The following GRIK2 variants were observed in gnomAD, a reference collection of about 807,000 sequenced individuals.
GRIK2 encodes the protein glutamate ionotropic receptor kainate type subunit 2, also known as glutamate receptor ionotropic, kainate 2.
In GRIK2, 32 loss-of-function variants were observed where a neutral mutation model predicts 100.3. The observed-to-expected ratio is 0.32, with a 90% confidence interval of 0.24 to 0.43. The LOEUF (loss-of-function observed/expected upper bound fraction) is 0.43. GRIK2 is among the 20% of genes least tolerant of loss of function. The pLI is 1.00. For synonymous variants in GRIK2, 417 were observed against 389.4 expected, an observed-to-expected ratio of 1.07 and a Z score of -0.83; for missense variants, 843 against 1,114.9, an observed-to-expected ratio of 0.76 and a Z score of 3.47.
chr6:102,005,873 G>T (rs1017791552), intron 14 of GRIK2, among the ~76,000 whole-genome samples: 1 of 152,000 alleles, frequency 6.6e-6, no homozygotes, highest in Admixed American at 6.6e-5. Context: ...GACAGGGTTG[G>T]ATTCTTCTAA....
At chr6:101,977,515 G>A (rs1034352928) in intron 14 of GRIK2, among the ~76,000 whole-genome samples, 1 of 151,886 alleles carries the variant, frequency 6.6e-6, no homozygotes, top group African/African-American at 2.4e-5. Context: ...GACCAATGTG[G>A]AGTCCCCAGG....
intron 7 of GRIK2, among the ~76,000 whole-genome samples, chr6:101,737,603 C>T (rs977150017): frequency 1.3e-5 from 2 of 152,184 alleles, no homozygotes; most frequent in Admixed American, 6.5e-5. Context: ...CCCTCCACAA[C>T]ATGTGGCAAT....
chr6:102,055,068 C>A (rs186224342), intron 15 of GRIK2, among the ~76,000 whole-genome samples: 83 of 152,250 alleles, frequency 5.5e-4, no homozygotes, highest in African/African-American at 1.9e-3. Flanking sequence ...TTTTACAATG[C>A]TGTAAGCTGA....
intron 3 of GRIK2, among the ~76,000 whole-genome samples, chr6:101,624,111 G>C (rs1478795885): frequency 1.3e-5 from 2 of 151,796 alleles, no homozygotes; most frequent in Non-Finnish European, 2.9e-5. Flanking sequence ...GTATTGTTCT[G>C]CTCAATTAAT....
intron 2 of GRIK2, among the ~76,000 whole-genome samples, chr6:101,580,815 C>G (rs1416237893): frequency 2.0e-5 from 3 of 152,050 alleles, no homozygotes; most frequent in Non-Finnish European, 2.9e-5. Flanking sequence ...CAGGAATGCA[C>G]TTCCTTCAGT....
intron 7 of GRIK2, among the ~76,000 whole-genome samples, chr6:101,741,241 G>A (rs1278056933): frequency 6.6e-6 from 1 of 152,108 alleles, no homozygotes; most frequent in Non-Finnish European, 1.5e-5. Flanking sequence ...GGGAAATAGG[G>A]TCAAGAACTA....
intron 2 of GRIK2, among the ~76,000 whole-genome samples, chr6:101,558,764 G>A (rs1776861106): frequency 6.6e-6 from 1 of 150,390 alleles, no homozygotes; most frequent in African/African-American, 2.5e-5. Flanking sequence ...TCTGTCCCAA[G>A]TGATATTGTC....
At chr6:101,592,615 A>ATATATATATATATATATATATATATG (rs887154272) in intron 2 of GRIK2, among the ~76,000 whole-genome samples, 16 of 127,798 alleles carry the variant, frequency 1.3e-4, no homozygotes, top group African/African-American at 5.3e-4. Flanking sequence ...ATATATATAT[A>ATATATATATATATATATATATATATG]TATATATATT....
rs372392956 is a variant in GRIK2 at position 102,035,550 on chromosome 6, C to T, written c.2295C>T (p.Gly765=). 1.2e-5 allele frequency: 19 copies of T among 1,587,668 alleles called. No homozygotes were observed. Among genetic ancestry groups the T allele is most frequent in the South Asian group, 2.2e-5 (2 of 90,356 alleles). Residue 765 remains glycine (G), a synonymous_variant, in exon 15 of 17, where the codon GGC becomes GGT. Coordinates refer to ENST00000369134, the MANE Select transcript of GRIK2 (RefSeq NM_021956.5). ...GCCTTATAGACTCTAAAGGTTATGG[C>T]GTTGGCACTCCCATGGGTAGGTTAT... ...IGGLIDSKGY[G]VGTPMGSPYR...
chr6:101,646,753 A>T (rs1212927085), intron 4 of GRIK2, among the ~76,000 whole-genome samples: 1 of 151,946 alleles, frequency 6.6e-6, no homozygotes, highest in East Asian at 1.9e-4. Flanking sequence ...CTGATAGAGA[A>T]ATTAAAACTG....
chr6:101,844,186 T>C (rs1783678288), intron 10 of GRIK2, among the ~76,000 whole-genome samples: 3 of 152,150 alleles, frequency 2.0e-5, no homozygotes. Context: ...TAATAAAATA[T>C]TTGAGAAATT....
Position 102,055,451 on chromosome 6 carries a change from G to C in GRIK2, c.2433G>C (p.Glu811Asp). 1 of 1,613,838 alleles carries C rather than the reference G, an allele frequency of 6.2e-7. No individual in the cohort carries two copies. The highest frequency in any genetic ancestry group is 8.5e-7 in the Non-Finnish European group (1 of 1,179,818). ...GTTGCCCAGAAGAGGAGAGCAAAGA[G>C]GCCAGTGCCCTGGGGGTTCAGAATA... ...GNGCPEEESK[E>D]ASALGVQNIG... The change falls in exon 16 of 17, where the codon GAG becomes GAC. Residue 811 changes from glutamate (E) to aspartate (D), a missense_variant. By Grantham distance (45) the Glu-to-Asp change is conservative. Coordinates refer to ENST00000369134, the MANE Select transcript of GRIK2 (RefSeq NM_021956.5).
At chr6:101,711,622 G>T (rs939114545) in intron 7 of GRIK2, among the ~76,000 whole-genome samples, 1 of 151,768 alleles carries the variant, frequency 6.6e-6, no homozygotes, top group Non-Finnish European at 1.5e-5. Flanking sequence ...GCAAAGCATT[G>T]AAATAAAATG....
chr6:101,676,525 G>A, intron 4 of GRIK2, 98 bp from the exon 5 acceptor site: 1 of 684,972 alleles, frequency 1.5e-6, no homozygotes, highest in South Asian at 2.7e-5. Context: ...AATGAAATAA[G>A]AAGAAAATTA....
chr6:101,839,327 A>T (rs1379106795), intron 10 of GRIK2, among the ~76,000 whole-genome samples: 2 of 152,158 alleles, frequency 1.3e-5, no homozygotes, highest in Non-Finnish European at 2.9e-5. Context: ...GGAATGTAAG[A>T]TATTTCAGAT....
Position 101,393,846 on chromosome 6 carries a change from TC to T in GRIK2, c.-294+13del, listed in dbSNP as rs2128234237. 7.1e-6 allele frequency among the ~76,000 whole-genome samples: 1 copy of T among 141,440 alleles called. No individual in the cohort carries two copies. Among genetic ancestry groups the T allele is most frequent in the African/African-American group, 2.5e-5 (1 of 39,732 alleles). The allele number at this position is 141,440 out of a possible 152,430, so 92.8% of individuals were successfully genotyped here. On this transcript the variant is annotated intron_variant, in intron 1 of 16. Coordinates refer to ENST00000369134, the MANE Select transcript of GRIK2 (RefSeq NM_021956.5). ...CTCACCCCTAGCTCCAGGTAAGGAC[TC>T]CCCGGCTGTGGGCTGCACTCCGGGC...
At chr6:101,939,419 G>T (rs1790818071) in intron 14 of GRIK2, among the ~76,000 whole-genome samples, 1 of 151,954 alleles carries the variant, frequency 6.6e-6, no homozygotes, top group Non-Finnish European at 1.5e-5. Flanking sequence ...TTAAATTTCG[G>T]TAGCAGATGA....
Position 101,927,066 on chromosome 6 carries a change from C to T in GRIK2, c.1868-1349C>T, listed in dbSNP as rs74784093. ...TAGGAGCAACTACATCAGAAAGGTA[C>T]TTTTCTGTTTTTTTTTCCTTACAGA... is the stretch of plus-strand genomic sequence containing the variant. On this transcript the variant is annotated intron_variant, in intron 13 of 16. Transcript: ENST00000369134. Among the ~76,000 whole-genome samples, 24 of 152,142 alleles carry T rather than the reference C, an allele frequency of 1.6e-4. No homozygotes were observed. The East Asian group carries it at 4.3e-3, about 27-fold the overall frequency.
chr6:102,045,005 T>G (rs1299105841), intron 15 of GRIK2, among the ~76,000 whole-genome samples: 1 of 152,050 alleles, frequency 6.6e-6, no homozygotes, highest in African/African-American at 2.4e-5. Context: ...AGTATCTTTT[T>G]CTCCATTAAG....
Sources: gnomAD v4.1 joint callset for allele counts (sites outside exome capture counted in the v4.1 genomes callset) on GRCh38, gnomAD v4.1.1 for gene constraint, MANE v1.5 for transcripts, NCBI Gene and HGNC (gene_info 2026-07-23, HGNC 2026-07-21) for gene names.